NBEA: variants seen among roughly 807,000 people sequenced by gnomAD.
NBEA encodes neurobeachin, also known as lysosomal-trafficking regulator 2.
NBEA carries 44 observed loss-of-function variants against 343.4 expected under a neutral mutation model. The observed-to-expected ratio is 0.13, with a 90% CI of 0.10 to 0.16. The LOEUF is 0.16. Among genes scored for constraint, NBEA ranks in the 10% least tolerant of loss-of-function variants. NBEA has a pLI of 1.00. For synonymous variants in NBEA, 1,175 were observed against 1,238.7 expected, an observed-to-expected ratio of 0.95 and a Z score of 1.08; for missense variants, 2,555 against 3,631.3, an observed-to-expected ratio of 0.70 and a Z score of 7.62.
intron 34 of NBEA, among the ~76,000 whole-genome samples, chr13:35,289,152 T>C (rs930928996): frequency 2.6e-5 from 4 of 151,886 alleles, no homozygotes; most frequent in Non-Finnish European, 4.4e-5. Flanking sequence ...AGACTGTTTA[T>C]TGAAATCACC....
intron 41 of NBEA, among the ~76,000 whole-genome samples, chr13:35,482,311 T>G (rs2076150243): frequency 6.6e-6 from 1 of 151,568 alleles, no homozygotes; most frequent in South Asian, 2.1e-4. Context: ...AATATAAATT[T>G]TCTTTATATC....
chr13:34,945,193 G>A (rs2059151395), intron 1 of NBEA, among the ~76,000 whole-genome samples: 1 of 152,058 alleles, frequency 6.6e-6, no homozygotes, highest in Non-Finnish European at 1.5e-5. Flanking sequence ...AAAGAGTTAG[G>A]TTTAAAATTT....
chr13:35,031,246 A>T (rs368533219), intron 1 of NBEA, among the ~76,000 whole-genome samples: 30 of 151,782 alleles, frequency 2.0e-4, no homozygotes, highest in African/African-American at 7.2e-4. Context: ...CTGAGTTACC[A>T]ATCACTAGTG....
chr13:35,153,036 CTTTTTTTTT>C (rs1170584559), intron 18 of NBEA, among the ~76,000 whole-genome samples: 7 of 123,362 alleles, frequency 5.7e-5, no homozygotes, highest in Admixed American at 4.9e-4. Flanking sequence ...TACATAGGTT[CTTTTTTTTT>C]TTTTTTTTTT....
chr13:35,524,947 T>C (rs1175550820), intron 41 of NBEA, among the ~76,000 whole-genome samples: 2 of 152,222 alleles, frequency 1.3e-5, no homozygotes, highest in Admixed American at 1.3e-4. Flanking sequence ...CATAGTGTAT[T>C]CTGGTCCCCA....
chr13:35,303,996 G>A (rs1011656009), intron 35 of NBEA, among the ~76,000 whole-genome samples: 9 of 152,084 alleles, frequency 5.9e-5, no homozygotes, highest in Non-Finnish European at 1.0e-4. Context: ...CAATGTAATG[G>A]CATGCAAACA....
chr13:35,453,779 A>T (rs1359846629), intron 40 of NBEA, among the ~76,000 whole-genome samples: 1 of 152,202 alleles, frequency 6.6e-6, no homozygotes, highest in Admixed American at 6.5e-5. Context: ...TGCCAGTGGC[A>T]CAATTCAACA....
intron 15 of NBEA, 35 bp downstream of exon 15, chr13:35,118,325 T>C (rs1440123839): frequency 6.4e-7 from 1 of 1,566,514 alleles, no homozygotes; most frequent in East Asian, 2.3e-5. Context: ...TTTTAATTAT[T>C]TAAGCCAATC....
intron 34 of NBEA, among the ~76,000 whole-genome samples, chr13:35,265,135 A>G (rs1166206443): frequency 1.3e-5 from 2 of 151,870 alleles, no homozygotes; most frequent in African/African-American, 4.8e-5. Context: ...TAATATTTGC[A>G]ATTGCAATGT....
chr13:35,177,690 T>C (rs866719185), intron 28 of NBEA, among the ~76,000 whole-genome samples: 4 of 151,652 alleles, frequency 2.6e-5, no homozygotes, highest in South Asian at 4.1e-4. Context: ...AAAAATTGCA[T>C]AGAAACATAT....
At chr13:35,098,624 T>A (rs2065458836) in intron 11 of NBEA, among the ~76,000 whole-genome samples, 1 of 152,086 alleles carries the variant, frequency 6.6e-6, no homozygotes, top group Non-Finnish European at 1.5e-5. Flanking sequence ...AATAAAAAAT[T>A]TACATCTATA....
chr13:35,033,219 A>G (rs1459411378), intron 1 of NBEA, among the ~76,000 whole-genome samples: 1 of 151,904 alleles, frequency 6.6e-6, no homozygotes, highest in African/African-American at 2.4e-5. Flanking sequence ...ATTCTTCTGC[A>G]TACAGATATC....
At chr13:35,266,336 G>A (rs1306022359) in intron 34 of NBEA, among the ~76,000 whole-genome samples, 1 of 151,700 alleles carries the variant, frequency 6.6e-6, no homozygotes, top group Non-Finnish European at 1.5e-5. Flanking sequence ...TTTCTACTGG[G>A]TATGTATCCA....
intron 38 of NBEA, among the ~76,000 whole-genome samples, chr13:35,372,363 C>T (rs2041482881): frequency 6.6e-6 from 1 of 152,086 alleles, no homozygotes; most frequent in Non-Finnish European, 1.5e-5. Context: ...ATCCTTAGGC[C>T]CCCATGGGAA....
intron 2 of NBEA, among the ~76,000 whole-genome samples, 168 bp from the exon 3 acceptor site, chr13:35,044,779 A>G (rs969068176): frequency 2.6e-5 from 4 of 151,830 alleles, no homozygotes; most frequent in African/African-American, 7.3e-5. Flanking sequence ...GTTAATTGGA[A>G]TGGCTATTCA....
At chr13:34,975,067 A>G (rs2060120145) in intron 1 of NBEA, among the ~76,000 whole-genome samples, 1 of 152,170 alleles carries the variant, frequency 6.6e-6, no homozygotes. Flanking sequence ...AAAGGAGATT[A>G]AGTAACTTCC....
chr13:35,225,756 T>C (rs956399598), intron 33 of NBEA, among the ~76,000 whole-genome samples: 17 of 152,294 alleles, frequency 1.1e-4, no homozygotes, highest in Middle Eastern at 3.4e-3. Flanking sequence ...TGCCTCAGGT[T>C]AGCAAGTTCA....
chr13:35,207,825 A>T (rs1049395421), intron 31 of NBEA, among the ~76,000 whole-genome samples: 17 of 152,114 alleles, frequency 1.1e-4, no homozygotes, highest in Non-Finnish European at 1.9e-4. Flanking sequence ...AAGCAACTCA[A>T]TTTTGTTCAG....
intron 16 of NBEA, among the ~76,000 whole-genome samples, chr13:35,121,999 C>T (rs894934347): frequency 6.6e-6 from 1 of 151,954 alleles, no homozygotes; most frequent in Non-Finnish European, 1.5e-5. Flanking sequence ...GTCATTGTCC[C>T]TTCTACTTTA....
Sources: gnomAD v4.1 joint callset for allele counts (sites outside exome capture counted in the v4.1 genomes callset) on GRCh38, gnomAD v4.1.1 for gene constraint, MANE v1.5 for transcripts, NCBI Gene and HGNC (gene_info 2026-07-23, HGNC 2026-07-21) for gene names.